The following EYA1 variants were observed in gnomAD, a reference collection of about 807,000 sequenced individuals.
EYA1 encodes protein phosphatase EYA1.
EYA1 carries 16 observed loss-of-function variants against 82.0 expected under a neutral mutation model. The ratio of observed to expected loss-of-function variants is 0.20; its 90% CI spans 0.13 to 0.30. The LOEUF (loss-of-function observed/expected upper bound fraction) is 0.30, where lower values mean the gene tolerates loss of function less well. Among genes scored for constraint, EYA1 ranks in the 10% least tolerant of loss-of-function variants. The pLI is 1.00. For synonymous variants in EYA1, 261 were observed against 264.4 expected (o/e 0.99, Z 0.12); for missense variants, 633 against 730.7 (o/e 0.87, Z 1.54).
chr8:71,447,489 C>G (rs1806986124), intron 2 of EYA1, among the ~76,000 whole-genome samples: 1 of 152,130 alleles, frequency 6.6e-6, no homozygotes, highest in Admixed American at 6.5e-5. Flanking sequence ...GTTTGCACCT[C>G]TAAACTTTTC....
At chr8:71,442,037 C>T (rs553612139) in intron 2 of EYA1, among the ~76,000 whole-genome samples, 62 of 152,140 alleles carry the variant, frequency 4.1e-4, no homozygotes, top group Non-Finnish European at 5.6e-4. Flanking sequence ...TGCCAGCTTC[C>T]GGAACTGTCA....
intron 11 of EYA1, among the ~76,000 whole-genome samples, chr8:71,259,717 TAG>T (rs1030978980): frequency 6.6e-6 from 1 of 152,188 alleles, no homozygotes; most frequent in African/African-American, 2.4e-5. Context: ...TCAAAACAGA[TAG>T]AAAGTTGAAG....
At chr8:71,214,471 C>T (rs1808922849) in intron 16 of EYA1, among the ~76,000 whole-genome samples, 1 of 152,196 alleles carries the variant, frequency 6.6e-6, no homozygotes, top group South Asian at 2.1e-4. Context: ...TTCATAGACA[C>T]TTGGCCTCTA....
At chr8:71,245,106 AATAG>A (rs1246997767) in intron 11 of EYA1, among the ~76,000 whole-genome samples, 2 of 152,246 alleles carry the variant, frequency 1.3e-5, no homozygotes, top group African/African-American at 2.4e-5. Flanking sequence ...AATATCAGAA[AATAG>A]ATACACTATA....
upstream of EYA1, among the ~76,000 whole-genome samples, chr8:71,364,939 C>CATAT (rs34890892): frequency 9.1e-4 from 80 of 88,158 alleles, 1 homozygote; most frequent in Non-Finnish European, 1.1e-3. Flanking sequence ...AAGCAAATGT[C>CATAT]ATATATATAT....
chr8:71,200,956 ACT>A (rs879358720), intron 17 of EYA1, among the ~76,000 whole-genome samples: 9 of 147,488 alleles, frequency 6.1e-5, no homozygotes, highest in Non-Finnish European at 1.3e-4. Flanking sequence ...TCAGAAAAAC[ACT>A]CTGATGGTTA....
chr8:71,517,464 A>T (rs1813052277), intron 2 of EYA1, among the ~76,000 whole-genome samples: 1 of 151,906 alleles, frequency 6.6e-6, no homozygotes, highest in African/African-American at 2.4e-5. Context: ...TGTCAAATTT[A>T]TAGTAATTTC....
intron 11 of EYA1, among the ~76,000 whole-genome samples, chr8:71,250,605 G>C (rs1813637017): frequency 6.6e-6 from 1 of 152,162 alleles, no homozygotes; most frequent in South Asian, 2.1e-4. Context: ...ATCAAAAAGA[G>C]GGTATCAATC....
intron 7 of EYA1, among the ~76,000 whole-genome samples, chr8:71,311,255 T>C (rs1821304550): frequency 6.6e-6 from 1 of 152,218 alleles, no homozygotes; most frequent in African/African-American, 2.4e-5. Flanking sequence ...TAGTTGTTTC[T>C]TTTACATAAA....
At chr8:71,274,853 G>T (rs1266081397) in intron 9 of EYA1, among the ~76,000 whole-genome samples, 1 of 151,068 alleles carries the variant, frequency 6.6e-6, no homozygotes, top group African/African-American at 2.4e-5. Context: ...AAGTATGTGT[G>T]AAGGTAAAGT....
At chr8:71,535,750 T>A (rs1432264672) in exon 2 of EYA1, 1 of 1,521,578 alleles carries the variant, frequency 6.6e-7, no homozygotes, top group Non-Finnish European at 8.8e-7. Flanking sequence ...TTACAGACTG[T>A]CCATTTATCC....
At chr8:71,492,971 G>A (rs1471438898) in intron 2 of EYA1, among the ~76,000 whole-genome samples, 1 of 152,100 alleles carries the variant, frequency 6.6e-6, no homozygotes, top group Non-Finnish European at 1.5e-5. Flanking sequence ...GTGTCCATAT[G>A]TTCTCATCGT....
chr8:71,221,124 G>A (rs1020685434), intron 12 of EYA1, among the ~76,000 whole-genome samples: 2 of 152,198 alleles, frequency 1.3e-5, no homozygotes, highest in African/African-American at 4.8e-5. Flanking sequence ...TTATATTTTG[G>A]TACATCAGGA....
intron 2 of EYA1, among the ~76,000 whole-genome samples, chr8:71,467,378 A>G (rs529016555): frequency 1.3e-5 from 2 of 152,294 alleles, no homozygotes; most frequent in African/African-American, 4.8e-5. Flanking sequence ...TAAATGTCTT[A>G]TAAGTCAATA....
At chr8:71,449,480 T>C (rs564707763) in intron 2 of EYA1, among the ~76,000 whole-genome samples, 4 of 152,350 alleles carry the variant, frequency 2.6e-5, no homozygotes, top group African/African-American at 9.6e-5. Flanking sequence ...AGGGAATCTT[T>C]TTTCCTGAGC....
chr8:71,215,935 A>C (rs780535649), intron 14 of EYA1, among the ~76,000 whole-genome samples: 5 of 152,216 alleles, frequency 3.3e-5, no homozygotes, highest in Non-Finnish European at 5.9e-5. Context: ...CTACTTTCCT[A>C]CATTCCTCTA....
chr8:71,243,315 T>G (rs563970627), intron 12 of EYA1, among the ~76,000 whole-genome samples: 2 of 152,156 alleles, frequency 1.3e-5, no homozygotes, highest in Non-Finnish European at 2.9e-5. Context: ...GTGAAAACAA[T>G]TATCAATCAG....
intron 2 of EYA1, among the ~76,000 whole-genome samples, chr8:71,470,139 C>T (rs536376152): frequency 3.3e-5 from 5 of 152,050 alleles, no homozygotes; most frequent in Non-Finnish European, 5.9e-5. Flanking sequence ...CAAGACTGGC[C>T]AGATGGTTTC....
intron 2 of EYA1, among the ~76,000 whole-genome samples, chr8:71,471,149 T>C (rs1366307656): frequency 1.3e-5 from 2 of 152,058 alleles, no homozygotes; most frequent in South Asian, 2.1e-4. Context: ...TTCACAAGCC[T>C]CACAGGACTC....
Sources: gnomAD v4.1 joint callset for allele counts (sites outside exome capture counted in the v4.1 genomes callset) on GRCh38, gnomAD v4.1.1 for gene constraint, MANE v1.5 for transcripts, NCBI Gene and HGNC (gene_info 2026-07-23, HGNC 2026-07-21) for gene names.